The following SERPINE2 variants were observed in gnomAD, a reference collection of about 807,000 sequenced individuals.
The protein encoded by SERPINE2 is serpin family E member 2.
SERPINE2 carries 14 observed loss-of-function variants against 36.3 expected under a neutral mutation model. The observed-to-expected ratio is 0.39, with a 90% CI of 0.25 to 0.60. SERPINE2 has a LOEUF of 0.60. Ranked by LOEUF, SERPINE2 falls within the 20% of genes least tolerant of loss-of-function variation. The pLI, the probability that SERPINE2 is intolerant of heterozygous loss-of-function variation, is 0.57. For synonymous variants in SERPINE2, 192 were observed against 191.8 expected (o/e 1.00, Z -0.01); for missense variants, 418 against 499.6 (o/e 0.84, Z 1.56).
intron 2 of SERPINE2, among the ~76,000 whole-genome samples, chr2:224,001,143 T>C (rs995927024): frequency 6.6e-6 from 1 of 152,168 alleles, no homozygotes; most frequent in African/African-American, 2.4e-5. Flanking sequence ...ACACTCCTGT[T>C]GTGGGCTTGG....
At chr2:223,995,146 A>AC (rs1469732090) in intron 3 of SERPINE2, among the ~76,000 whole-genome samples, 1 of 152,162 alleles carries the variant, frequency 6.6e-6, no homozygotes, top group Non-Finnish European at 1.5e-5. Context: ...GCTGGAACAT[A>AC]GAGTACAAGG....
chr2:224,015,003 C>T (rs1406675799), intron 1 of SERPINE2, among the ~76,000 whole-genome samples: 1 of 149,786 alleles, frequency 6.7e-6, no homozygotes. Flanking sequence ...GTTTTCACCA[C>T]TAGGTGGGGG....
chr2:224,038,519 C>A (rs1034004198), intron 1 of SERPINE2: 1 of 1,551,522 alleles, frequency 6.4e-7, no homozygotes, highest in Admixed American at 2.0e-5. Context: ...TCGCAACTCC[C>A]GTTTCTACAG....
At chr2:224,018,550 C>T (rs1298255092) in intron 1 of SERPINE2, among the ~76,000 whole-genome samples, 2 of 151,188 alleles carry the variant, frequency 1.3e-5, no homozygotes, top group African/African-American at 4.9e-5. Flanking sequence ...GGAGAAAAAC[C>T]CTCCATTTTT....
intron 4 of SERPINE2, among the ~76,000 whole-genome samples, chr2:223,985,952 T>C (rs1690411110): frequency 6.6e-6 from 1 of 152,184 alleles, no homozygotes; most frequent in South Asian, 2.1e-4. Context: ...CAAAACAGAT[T>C]CCACATCTTA....
intron 1 of SERPINE2, chr2:224,030,980 C>A (rs1395242673): frequency 1.0e-6 from 1 of 985,434 alleles, no homozygotes; most frequent in Non-Finnish European, 1.2e-6. Context: ...ACGTACCACA[C>A]AGATACTGGC....
intron 3 of SERPINE2, 30 bp downstream of exon 3, chr2:223,998,085 G>A (rs200204427): frequency 1.3e-6 from 2 of 1,540,012 alleles, no homozygotes; most frequent in Non-Finnish European, 1.8e-6. Flanking sequence ...CACAAACTAT[G>A]CAATCAAATG....
chr2:223,983,736 ATGTGTGTGTG>A (rs71058971), intron 5 of SERPINE2, among the ~76,000 whole-genome samples: 8 of 82,826 alleles, frequency 9.7e-5, no homozygotes, highest in Admixed American at 3.2e-4. Flanking sequence ...ATGTGTGTAT[ATGTGTGTGTG>A]TGTGTGTGTG....
At chr2:224,013,180 C>T (rs1691688292) in intron 1 of SERPINE2, among the ~76,000 whole-genome samples, 1 of 152,166 alleles carries the variant, frequency 6.6e-6, no homozygotes, top group South Asian at 2.1e-4. Context: ...GTTTCCTTGC[C>T]TTTCTCCCCG....
chr2:224,023,842 C>T (rs1692092076), intron 1 of SERPINE2, among the ~76,000 whole-genome samples: 2 of 152,198 alleles, frequency 1.3e-5, no homozygotes, highest in African/African-American at 4.8e-5. Flanking sequence ...CATTCTGGCT[C>T]TTGTAATCAA....
In SERPINE2 at chr2:224,024,758, T is replaced by C. The variant is rs1692128277; in HGVS notation, c.-23+14341A>G. ...TCTTCACAAGACCCGCCTGCTGCCC[T>C]GCTGCCAACATCCAAAGCTAAGATA... On this transcript the variant is annotated intron_variant, in intron 1 of 8. Coordinates refer to ENST00000409304, the MANE Select transcript of SERPINE2 (RefSeq NM_001136528.2). Among the ~76,000 whole-genome samples the C allele has an allele frequency of 1.3e-5, 2 of 152,236 alleles. 1 individual carries two copies. The highest frequency in any genetic ancestry group is 4.1e-4 in the South Asian group (2 of 4,832).
chr2:223,997,544 A>T (rs1247721359), intron 3 of SERPINE2, among the ~76,000 whole-genome samples: 2 of 152,204 alleles, frequency 1.3e-5, no homozygotes, highest in Non-Finnish European at 2.9e-5. Context: ...TAAAACACCA[A>T]CGTTAGACTC....
chr2:223,986,559 G>T (rs142417668), intron 4 of SERPINE2, among the ~76,000 whole-genome samples: 1 of 152,154 alleles, frequency 6.6e-6, no homozygotes, highest in African/African-American at 2.4e-5. Context: ...CTATTCTGGC[G>T]GAGCTAATTT....
chr2:223,976,716 GTCC>G (rs1690026247), intron 8 of SERPINE2, among the ~76,000 whole-genome samples: 1 of 152,178 alleles, frequency 6.6e-6, no homozygotes, highest in African/African-American at 2.4e-5. Flanking sequence ...CACTACTGTT[GTCC>G]TCATTTTAAA....
Position 223,997,822 on chromosome 2 carries a change from C to T in SERPINE2, c.487+293G>A, listed in dbSNP as rs80069802. ...TGAGCAAGAAAACCTTCAAAATCAA[C>T]AAGAGCCTGTGGGCAAGGATGCTGG... On this transcript the variant is annotated intron_variant, in intron 3 of 8. Coordinates refer to ENST00000409304, the MANE Select transcript of SERPINE2 (RefSeq NM_001136528.2). 6.1e-3 allele frequency among the ~76,000 whole-genome samples: 932 copies of T among 152,252 alleles called. 6 individuals are homozygous for T. Among genetic ancestry groups the T allele is most frequent in the African/African-American group, 0.021 (883 of 41,556 alleles).
intron 1 of SERPINE2, among the ~76,000 whole-genome samples, chr2:224,007,210 C>T (rs77670265): frequency 0.015 from 2,351 of 152,310 alleles, 49 homozygotes; most frequent in African/African-American, 0.053. Flanking sequence ...GGAAAAACCA[C>T]TGGAAAGACT....
At chr2:224,023,222 G>A (rs1304842252) in intron 1 of SERPINE2, among the ~76,000 whole-genome samples, 3 of 152,142 alleles carry the variant, frequency 2.0e-5, no homozygotes, top group East Asian at 1.9e-4. Context: ...TTATTTATCC[G>A]TCTCTTGTGA....
chr2:224,032,167 A>G (rs1213069295), intron 1 of SERPINE2, among the ~76,000 whole-genome samples: 2 of 152,216 alleles, frequency 1.3e-5, no homozygotes, highest in African/African-American at 4.8e-5. Context: ...GCAGAAATAA[A>G]TTTTAGTAGA....
At position 224,030,303 on chromosome 2, in the gene SERPINE2, C is replaced by T. The variant is rs116246976; in HGVS notation, c.-23+8796G>A. ...TCTGGAAACAAAGCATGCAAAGACACAGAGCAAGTCACTCATTCATCAGGC... is the reference window on the plus strand; with the variant it reads ...TCTGGAAACAAAGCATGCAAAGACATAGAGCAAGTCACTCATTCATCAGGC... On this transcript the variant is annotated intron_variant, in intron 1 of 8. Coordinates refer to ENST00000409304, the MANE Select transcript of SERPINE2 (RefSeq NM_001136528.2). The T allele has an allele frequency of 3.3e-3, 2,760 of 837,140 alleles. 53 individuals are homozygous for T. The African/African-American group carries it at 0.048, about 14-fold the overall frequency. 51.9% of individuals were successfully genotyped at this position (837,140 alleles called of 1,614,324 possible).
Sources: allele counts gnomAD v4.1 joint callset (sites outside exome capture counted in the v4.1 genomes callset), GRCh38; gene constraint gnomAD v4.1.1; transcripts MANE v1.5; gene names NCBI Gene and HGNC (gene_info 2026-07-23, HGNC 2026-07-21).